RAB6B: variants seen among roughly 807,000 people sequenced by gnomAD.
RAB6B encodes the protein RAB6B, member RAS oncogene family, also known as ras-related protein Rab-6B.
In RAB6B, 7 loss-of-function variants were observed where a neutral mutation model predicts 31.2. That is an observed-to-expected ratio of 0.22 (90% CI 0.13 to 0.42). The LOEUF (loss-of-function observed/expected upper bound fraction) is 0.42. RAB6B is among the 10% of genes least tolerant of loss of function. The probability of loss-of-function intolerance (pLI) is 1.00; values close to 1 mark genes in which losing one functional copy is unlikely to be tolerated. For missense variants in RAB6B, 149 were observed against 280.6 expected, an observed-to-expected ratio of 0.53 and a Z score of 3.35; for synonymous variants, 105 against 104.9, an observed-to-expected ratio of 1.00 and a Z score of -0.01.
chr3:133,849,232 G>T (rs1299728243), intron 2 of RAB6B, among the ~76,000 whole-genome samples: 1 of 152,182 alleles, frequency 6.6e-6, no homozygotes, highest in African/African-American at 2.4e-5. Flanking sequence ...AAACTGGAAA[G>T]ATCTCATACT....
intron 1 of RAB6B, among the ~76,000 whole-genome samples, chr3:133,895,158 C>G (rs960587151): frequency 2.0e-5 from 3 of 152,162 alleles, no homozygotes; most frequent in Non-Finnish European, 4.4e-5. Context: ...GCACCCACAC[C>G]CCGGGCCCCC....
chr3:133,895,107 A>G (rs1576413992), intron 1 of RAB6B, among the ~76,000 whole-genome samples: 2 of 152,224 alleles, frequency 1.3e-5, no homozygotes, highest in African/African-American at 4.8e-5. Flanking sequence ...AGCGCCGCGG[A>G]GCCAGCCGCC....
chr3:133,838,455 T>A (rs1935774606), intron 5 of RAB6B, among the ~76,000 whole-genome samples, 196 bp from the exon 6 acceptor site: 1 of 152,132 alleles, frequency 6.6e-6, no homozygotes, highest in Admixed American at 6.5e-5. Flanking sequence ...CAGGGAACAG[T>A]AGGACACTAT....
chr3:133,847,969 T>C (rs570129946), intron 2 of RAB6B, among the ~76,000 whole-genome samples: 3 of 152,336 alleles, frequency 2.0e-5, no homozygotes, highest in Admixed American at 2.0e-4. Context: ...GGGGATCTCA[T>C]TTACTCTCGA....
intron 1 of RAB6B, among the ~76,000 whole-genome samples, chr3:133,884,331 T>C (rs901528249): frequency 6.6e-6 from 1 of 152,216 alleles, no homozygotes; most frequent in Admixed American, 6.5e-5. Context: ...CCAATTGACC[T>C]GAACAGGCTG....
chr3:133,865,899 C>T (rs1212874984), intron 1 of RAB6B, among the ~76,000 whole-genome samples: 1 of 152,212 alleles, frequency 6.6e-6, no homozygotes, highest in Non-Finnish European at 1.5e-5. Context: ...TGATCTTCTA[C>T]CCAGAAGGAG....
At position 133,895,719 on chromosome 3, in the gene RAB6B, C is replaced by A; in HGVS notation, c.-253G>T. The A allele has an allele frequency of 2.0e-6, 1 of 507,948 alleles. No individual in the cohort carries two copies. The highest frequency in any genetic ancestry group is 3.4e-6 in the Non-Finnish European group (1 of 291,728). 31.5% of individuals were successfully genotyped at this position (507,948 alleles called of 1,614,324 possible). ...GCTGGGCTGCTGCGGTCGGCACTGG[C>A]TGCGGTGCGAGGGGCGCGCTCTTTA... On this transcript the variant is annotated 5_prime_UTR_variant, in exon 1 of 8. Coordinates refer to ENST00000285208, the MANE Select transcript of RAB6B (RefSeq NM_016577.4).
chr3:133,835,588 G>A (rs1165928032), intron 6 of RAB6B, among the ~76,000 whole-genome samples: 5 of 151,904 alleles, frequency 3.3e-5, no homozygotes, highest in African/African-American at 1.2e-4. Context: ...TGACAGGTAC[G>A]AGGCAGAAGT....
Position 133,828,518 on chromosome 3 carries a change from T to G in RAB6B, c.*270A>C, listed in dbSNP as rs909246364. ...ATTGTATACACATGATTTAAATTTT[T>G]TTTAAATTTTAACAGTTTTTGGCAA... On this transcript the variant is annotated 3_prime_UTR_variant, in exon 8 of 8. Transcript: ENST00000285208. The G allele has an allele frequency of 4.0e-5, 19 of 479,336 alleles. No individual in the cohort carries two copies. Among genetic ancestry groups the G allele is most frequent in the Non-Finnish European group, 7.0e-5 (19 of 273,256 alleles). The allele number at this position is 479,336 out of a possible 1,614,324, so 29.7% of individuals were successfully genotyped here. A position where few individuals can be genotyped will look rare whatever the true frequency, so the allele number is the denominator to read the frequency against.
chr3:133,834,693 G>A (rs773789813), intron 6 of RAB6B, 52 bp from the exon 7 acceptor site: 3 of 1,511,642 alleles, frequency 2.0e-6, no homozygotes, highest in Non-Finnish European at 2.8e-6. Flanking sequence ...CCTCCCCTCT[G>A]CTCCTCACTG....
Position 133,827,642 on chromosome 3 carries a change from T to G in RAB6B, c.*1146A>C. 1.9e-6 allele frequency: 1 copy of G among 526,550 alleles called. No homozygotes were observed. 32.6% of individuals were successfully genotyped at this position (526,550 alleles called of 1,614,324 possible). A position where few individuals can be genotyped will look rare whatever the true frequency, so the allele number is the denominator to read the frequency against. On this transcript the variant is annotated 3_prime_UTR_variant, in exon 8 of 8. Coordinates refer to ENST00000285208, the MANE Select transcript of RAB6B (RefSeq NM_016577.4). Reference sequence around the variant, plus strand: ...CTTCAACTGCGCCATGCCACTGGGGTGAAAACATAGCAACAAATCAGCTTT... The same window carrying G: ...CTTCAACTGCGCCATGCCACTGGGGGGAAAACATAGCAACAAATCAGCTTT...
In RAB6B at chr3:133,834,697, C is replaced by T. The variant is rs1935707289; in HGVS notation, c.496-56G>A. On this transcript the variant is annotated intron_variant, in intron 6 of 7. Coordinates refer to ENST00000285208, the MANE Select transcript of RAB6B (RefSeq NM_016577.4). ...CCAACCCTGGCCCTCCCCTCTGCTC[C>T]TCACTGCACCTGCACCCTCACCCCT... The T allele has an allele frequency of 7.5e-5, 112 of 1,487,762 alleles. 1 individual carries two copies. In the South Asian group the frequency reaches 1.1e-3, roughly 15 times the overall value. 92.2% of individuals were successfully genotyped at this position (1,487,762 alleles called of 1,614,324 possible).
chr3:133,862,516 T>C (rs1936174614), intron 2 of RAB6B, among the ~76,000 whole-genome samples: 1 of 152,122 alleles, frequency 6.6e-6, no homozygotes. Flanking sequence ...AGACCAAACA[T>C]GTGCTCTGGG....
chr3:133,888,831 C>T (rs189685885), intron 1 of RAB6B, among the ~76,000 whole-genome samples: 1 of 152,268 alleles, frequency 6.6e-6, no homozygotes, highest in Non-Finnish European at 1.5e-5. Context: ...GAAACAAAGA[C>T]TGGACTGGCA....
intron 2 of RAB6B, among the ~76,000 whole-genome samples, chr3:133,861,452 A>G (rs1031404267): frequency 2.6e-5 from 4 of 152,222 alleles, no homozygotes; most frequent in South Asian, 2.1e-4. Context: ...GGGGCCTACC[A>G]GGTGGACAAA....
intron 2 of RAB6B, among the ~76,000 whole-genome samples, chr3:133,847,228 G>T (rs1411866779): frequency 6.6e-6 from 1 of 152,206 alleles, no homozygotes; most frequent in Admixed American, 6.5e-5. Flanking sequence ...CTGTGTCACT[G>T]CTAAGAAAAT....
chr3:133,877,374 G>C (rs1346134622), intron 1 of RAB6B, among the ~76,000 whole-genome samples: 1 of 152,200 alleles, frequency 6.6e-6, no homozygotes, highest in Admixed American at 6.5e-5. Flanking sequence ...ACAGTGCTTG[G>C]CATCCACACC....
At chr3:133,843,315 T>G (rs927751180) in intron 2 of RAB6B, among the ~76,000 whole-genome samples, 1 of 152,238 alleles carries the variant, frequency 6.6e-6, no homozygotes, top group Admixed American at 6.5e-5. Flanking sequence ...AGCTGCAAAC[T>G]TGGCAGCACC....
At chr3:133,844,402 C>T (rs1935879467) in intron 2 of RAB6B, among the ~76,000 whole-genome samples, 1 of 152,232 alleles carries the variant, frequency 6.6e-6, no homozygotes. Context: ...TCTAGCCACA[C>T]TCTCCATCTG....
Sources: gnomAD v4.1 joint callset for allele counts (sites outside exome capture counted in the v4.1 genomes callset) on GRCh38, gnomAD v4.1.1 for gene constraint, MANE v1.5 for transcripts, NCBI Gene and HGNC (gene_info 2026-07-23, HGNC 2026-07-21) for gene names.